MGMT: variants seen among roughly 807,000 people sequenced by gnomAD.
MGMT encodes the protein O-6-methylguanine-DNA methyltransferase.
MGMT carries 14 observed loss-of-function variants against 15.9 expected under a neutral mutation model. That is an observed-to-expected ratio of 0.88 (90% CI 0.58 to 1.37). The LOEUF is 1.37. Ranked by LOEUF, MGMT falls within the 40% of genes most tolerant of loss-of-function variation. The probability of loss-of-function intolerance (pLI) is 0.00; values close to 1 mark genes in which losing one functional copy is unlikely to be tolerated. For synonymous variants in MGMT, 130 were observed against 118.2 expected (o/e 1.10, Z -0.65); for missense variants, 282 against 268.1 (o/e 1.05, Z -0.36).
intron 1 of MGMT, among the ~76,000 whole-genome samples, chr10:129,511,889 G>A (rs921313638): frequency 1.3e-5 from 2 of 152,206 alleles, no homozygotes; most frequent in East Asian, 1.9e-4. Context: ...AGCACTGGCC[G>A]CTGTGGAGGG....
chr10:129,495,878 C>A lies in MGMT; in HGVS notation c.-13+28582C>A, dbSNP rs531955426. Reference sequence around the variant, plus strand: ...GTAAACAGAGAATGTAATGACATTCCCAGAGCATTCACAGGCCAGAGTCTG... The same window carrying A: ...GTAAACAGAGAATGTAATGACATTCACAGAGCATTCACAGGCCAGAGTCTG... On this transcript the variant is annotated intron_variant, in intron 1 of 4. Coordinates refer to ENST00000651593, the MANE Select transcript of MGMT (RefSeq NM_002412.5). Among the ~76,000 whole-genome samples, 4 of 152,234 alleles carry A rather than the reference C, an allele frequency of 2.6e-5. No individual in the cohort carries two copies. The East Asian group carries it at 7.7e-4, about 29-fold the overall frequency.
intron 2 of MGMT, among the ~76,000 whole-genome samples, chr10:129,573,591 C>T (rs546279913): frequency 7.9e-5 from 12 of 151,910 alleles, no homozygotes; most frequent in African/African-American, 2.9e-4. Flanking sequence ...ATTTTCATCT[C>T]TATTTATTTA....
At chr10:129,584,064 G>A (rs1007682188) in intron 2 of MGMT, among the ~76,000 whole-genome samples, 3 of 152,230 alleles carry the variant, frequency 2.0e-5, no homozygotes, top group Non-Finnish European at 2.9e-5. Flanking sequence ...CCACAGGAGC[G>A]AGGTGGCAAA....
At chr10:129,735,045 A>G (rs1437161564) in intron 3 of MGMT, among the ~76,000 whole-genome samples, 7 of 152,084 alleles carry the variant, frequency 4.6e-5, no homozygotes, top group African/African-American at 7.2e-5. Context: ...GTCTCTGCCC[A>G]GCTTTGGTAT....
intron 3 of MGMT, among the ~76,000 whole-genome samples, chr10:129,708,875 G>A (rs1051299473): frequency 6.6e-6 from 1 of 152,110 alleles, no homozygotes. Flanking sequence ...AGATTTGCTG[G>A]GTAAGCTTAA....
intron 3 of MGMT, among the ~76,000 whole-genome samples, chr10:129,749,029 C>T (rs61876574): frequency 0.23 from 35,467 of 152,036 alleles, 4,197 homozygotes; most frequent in Middle Eastern, 0.3. Flanking sequence ...AAATCAGCTC[C>T]CCTCCCCCAT....
At chr10:129,695,571 CA>C (rs1281391603) in intron 2 of MGMT, among the ~76,000 whole-genome samples, 1 of 152,164 alleles carries the variant, frequency 6.6e-6, no homozygotes, top group Admixed American at 6.5e-5. Context: ...CTTGCTAAGA[CA>C]AAAAATAATT....
At position 129,586,169 on chromosome 10, in the gene MGMT, G is replaced by A. The variant is rs577895816; in HGVS notation, c.125+49792G>A. 2.2e-4 allele frequency among the ~76,000 whole-genome samples: 34 copies of A among 152,212 alleles called. 1 individual carries two copies. The South Asian group carries it at 5.2e-3, about 23-fold the overall frequency. On this transcript the variant is annotated intron_variant, in intron 2 of 4. Coordinates refer to ENST00000651593, the MANE Select transcript of MGMT (RefSeq NM_002412.5). ...TTTCCAGTTAATATTTTTGGACCAC[G>A]GTTGATCTCAAGTAATTGAAACCAT...
intron 1 of MGMT, among the ~76,000 whole-genome samples, chr10:129,496,011 G>T (rs979072206): frequency 6.6e-6 from 1 of 152,174 alleles, no homozygotes; most frequent in Non-Finnish European, 1.5e-5. Flanking sequence ...ACTGGCACTC[G>T]CAGGCCTCCC....
intron 3 of MGMT, among the ~76,000 whole-genome samples, chr10:129,738,811 A>G (rs1848596265): frequency 6.6e-6 from 1 of 152,248 alleles, no homozygotes; most frequent in African/African-American, 2.4e-5. Flanking sequence ...TTATGAGGCC[A>G]GCATCATCCT....
chr10:129,670,954 C>T (rs1032150370), intron 2 of MGMT, among the ~76,000 whole-genome samples: 21 of 152,188 alleles, frequency 1.4e-4, no homozygotes, highest in South Asian at 1.0e-3. Context: ...TTGAGCTACA[C>T]GTAGATTTAC....
chr10:129,721,217 G>T (rs1234887631), intron 3 of MGMT, among the ~76,000 whole-genome samples: 1 of 152,262 alleles, frequency 6.6e-6, no homozygotes, highest in Non-Finnish European at 1.5e-5. Flanking sequence ...AGACATTTGG[G>T]TTCTGAAGTT....
At chr10:129,739,393 T>C (rs1268999866) in intron 3 of MGMT, among the ~76,000 whole-genome samples, 2 of 152,164 alleles carry the variant, frequency 1.3e-5, no homozygotes, top group African/African-American at 4.8e-5. Context: ...GATTCTATAT[T>C]TAGAAAACCC....
chr10:129,515,551 C>G (rs1478414618), intron 1 of MGMT, among the ~76,000 whole-genome samples: 1 of 152,148 alleles, frequency 6.6e-6, no homozygotes, highest in Non-Finnish European at 1.5e-5. Context: ...AGCTCCAGTC[C>G]CCTAGATACA....
intron 2 of MGMT, among the ~76,000 whole-genome samples, chr10:129,616,110 T>G (rs1438104610): frequency 6.6e-6 from 1 of 152,178 alleles, no homozygotes; most frequent in Admixed American, 6.5e-5. Flanking sequence ...ACGTGTTCTC[T>G]GAAAGGCAGG....
chr10:129,495,607 C>G (rs1355649420), intron 1 of MGMT, among the ~76,000 whole-genome samples: 1 of 152,184 alleles, frequency 6.6e-6, no homozygotes, highest in Admixed American at 6.5e-5. Flanking sequence ...ATAGGTCCTA[C>G]TCCAAAATTC....
chr10:129,487,314 G>C (rs1442854291), intron 1 of MGMT, among the ~76,000 whole-genome samples: 2 of 152,076 alleles, frequency 1.3e-5, no homozygotes, highest in African/African-American at 4.8e-5. Flanking sequence ...CTGATTATCT[G>C]TAAAGGCCAA....
intron 2 of MGMT, among the ~76,000 whole-genome samples, chr10:129,674,105 A>G (rs116975403): frequency 6.6e-6 from 1 of 152,130 alleles, no homozygotes; most frequent in Non-Finnish European, 1.5e-5. Context: ...GTCTCTTTTT[A>G]TTAAACTAAA....
chr10:129,569,847 G>A (rs491929), intron 2 of MGMT, among the ~76,000 whole-genome samples: 60,414 of 152,044 alleles, frequency 0.4, 12,836 homozygotes, highest in East Asian at 0.63. Flanking sequence ...GATGATGGGG[G>A]TGTGCCTGCA....
Sources: allele counts gnomAD v4.1 joint callset (sites outside exome capture counted in the v4.1 genomes callset), GRCh38; gene constraint gnomAD v4.1.1; transcripts MANE v1.5; gene names NCBI Gene and HGNC (gene_info 2026-07-23, HGNC 2026-07-21).